The following XKR4 variants were observed in gnomAD, a reference collection of about 807,000 sequenced individuals.
XKR4 encodes XK related 4, also known as XK-related protein 4.
Under a neutral mutation model 53.9 loss-of-function variants are expected in XKR4, and 12 were observed. The ratio of observed to expected loss-of-function variants is 0.22; its 90% confidence interval spans 0.14 to 0.36. The LOEUF is 0.36. Ranked by LOEUF, XKR4 falls within the 10% of genes least tolerant of loss-of-function variation. The pLI is 1.00. For missense variants in XKR4, 799 were observed against 859.5 expected (o/e 0.93, Z 0.88); for synonymous variants, 354 against 362.4 (o/e 0.98, Z 0.26).
At chr8:55,266,255 C>G (rs1244779756) in intron 1 of XKR4, among the ~76,000 whole-genome samples, 1 of 151,682 alleles carries the variant, frequency 6.6e-6, no homozygotes, top group African/African-American at 2.4e-5. Flanking sequence ...GATGTGAGCG[C>G]AGTACAGTGG....
chr8:55,166,845 A>G (rs1424607016), intron 1 of XKR4, among the ~76,000 whole-genome samples: 2 of 152,252 alleles, frequency 1.3e-5, no homozygotes, highest in Non-Finnish European at 2.9e-5. Context: ...CTGGTGGACT[A>G]GAGCACAGAT....
intron 2 of XKR4, among the ~76,000 whole-genome samples, chr8:55,466,694 G>A (rs1311977709): frequency 6.6e-6 from 1 of 151,956 alleles, no homozygotes; most frequent in Non-Finnish European, 1.5e-5. Context: ...CATATAATCA[G>A]TTGCCACTTT....
rs1258098739 is a variant in XKR4, at chr8:55,309,225, C to T, written c.807-48453C>T. 3.9e-5 allele frequency among the ~76,000 whole-genome samples: 6 copies of T among 152,208 alleles called. 1 individual carries two copies. Among genetic ancestry groups the T allele is most frequent in the Admixed American group, 3.9e-4 (6 of 15,288 alleles). On this transcript the variant is annotated intron_variant, in intron 1 of 2. Coordinates refer to ENST00000327381, the MANE Select transcript of XKR4 (RefSeq NM_052898.2). Reference sequence around the variant, plus strand: ...CTAATACACATACCATGGCACACTACTTAGCAATAGAAAAAGCACCAACAC... The same window carrying T: ...CTAATACACATACCATGGCACACTATTTAGCAATAGAAAAAGCACCAACAC...
In XKR4 at chr8:55,526,000, C is replaced by G. The variant is rs1806877261; in HGVS notation, c.*1773C>G. ...CTTAAATAGAAAGGGCTTGTCAAGA[C>G]TGGCCAATGTTTCCCAGGAAATCAA... On this transcript the variant is annotated 3_prime_UTR_variant, in exon 3 of 3. Transcript: ENST00000327381. 6.6e-6 allele frequency: 1 copy of G among 152,588 alleles called. No homozygotes were observed. Among genetic ancestry groups the G allele is most frequent in the African/African-American group, 2.4e-5 (1 of 41,438 alleles). 9.5% of individuals were successfully genotyped at this position (152,588 alleles called of 1,614,324 possible). A position where few individuals can be genotyped will look rare whatever the true frequency, so the allele number is the denominator to read the frequency against.
intron 2 of XKR4, among the ~76,000 whole-genome samples, chr8:55,456,053 T>C (rs1185527271): frequency 6.6e-6 from 1 of 152,226 alleles, no homozygotes; most frequent in Non-Finnish European, 1.5e-5. Flanking sequence ...AAAATTTCCA[T>C]TTTGGGGCAA....
At chr8:55,424,735 A>ATT (rs1357636928) in intron 2 of XKR4, among the ~76,000 whole-genome samples, 1 of 152,220 alleles carries the variant, frequency 6.6e-6, no homozygotes, top group Admixed American at 6.5e-5. Flanking sequence ...TGAACCTGGC[A>ATT]CGTGTTAGGA....
chr8:55,467,433 A>T (rs774906507), intron 2 of XKR4, among the ~76,000 whole-genome samples: 1 of 152,074 alleles, frequency 6.6e-6, no homozygotes, highest in Non-Finnish European at 1.5e-5. Flanking sequence ...ATCCCTTCAT[A>T]TCCACAGTCT....
intron 2 of XKR4, among the ~76,000 whole-genome samples, chr8:55,510,099 C>T (rs1289304875): frequency 1.3e-5 from 2 of 152,090 alleles, no homozygotes; most frequent in African/African-American, 4.8e-5. Context: ...TGTCTCCCCT[C>T]CCAGGGGCAG....
chr8:55,379,046 C>A (rs184573917), intron 2 of XKR4, among the ~76,000 whole-genome samples: 64 of 152,246 alleles, frequency 4.2e-4, no homozygotes, highest in African/African-American at 1.5e-3. Context: ...CCAGGTGAAC[C>A]CTCATGAGTA....
chr8:55,513,442 G>C (rs1203720939), intron 2 of XKR4, among the ~76,000 whole-genome samples: 1 of 152,176 alleles, frequency 6.6e-6, no homozygotes, highest in African/African-American at 2.4e-5. Context: ...GGGTAGAAGA[G>C]CTGCCCTTCC....
rs541792735 is a variant in XKR4 at position 55,303,121 on chromosome 8, T to C, written c.807-54557T>C. ...CAGTTTTTGCCCATTCAGTATGATA[T>C]TGGCTGTGGGTTTGTCATAGATAGA... On this transcript the variant is annotated intron_variant, in intron 1 of 2. Coordinates refer to ENST00000327381, the MANE Select transcript of XKR4 (RefSeq NM_052898.2). Among the ~76,000 whole-genome samples, 265 of 152,340 alleles carry C rather than the reference T, an allele frequency of 1.7e-3. 1 individual carries two copies. Among genetic ancestry groups the C allele is most frequent in the Non-Finnish European group, 3.2e-3 (216 of 68,032 alleles).
chr8:55,407,329 C>T (rs1347891511), intron 2 of XKR4, among the ~76,000 whole-genome samples: 2 of 152,204 alleles, frequency 1.3e-5, no homozygotes, highest in Non-Finnish European at 2.9e-5. Flanking sequence ...CAGGAATCAC[C>T]GCCCCATGGA....
intron 2 of XKR4, among the ~76,000 whole-genome samples, chr8:55,444,212 T>C (rs900918612): frequency 2.6e-5 from 4 of 151,980 alleles, no homozygotes; most frequent in Non-Finnish European, 5.9e-5. Context: ...TCCTGCCTCA[T>C]AATACAAAAC....
At chr8:55,445,788 G>A (rs191260567) in intron 2 of XKR4, among the ~76,000 whole-genome samples, 1 of 152,192 alleles carries the variant, frequency 6.6e-6, no homozygotes, top group Non-Finnish European at 1.5e-5. Context: ...AAAAACAATT[G>A]TAAGAGTAAC....
At chr8:55,514,716 G>T (rs1806686241) in intron 2 of XKR4, among the ~76,000 whole-genome samples, 1 of 151,752 alleles carries the variant, frequency 6.6e-6, no homozygotes, top group Non-Finnish European at 1.5e-5. Flanking sequence ...TTTTAAACGT[G>T]GGATGGAAAA....
Position 55,540,523 on chromosome 8 carries a change from T to C in XKR4, c.*16296T>C, listed in dbSNP as rs1386716159. On this transcript the variant is annotated 3_prime_UTR_variant, in exon 3 of 3. Transcript: ENST00000327381. ...CATAGCTATTCTTGGATGAGAACCT[T>C]GCCTCTACTAAATAGTTTCTGCTTT... 6.6e-6 allele frequency: 1 copy of C among 152,216 alleles called. No individual in the cohort carries two copies. The highest frequency in any genetic ancestry group is 1.5e-5 in the Non-Finnish European group (1 of 68,042). 9.4% of individuals were successfully genotyped at this position (152,216 alleles called of 1,614,324 possible). A position where few individuals can be genotyped will look rare whatever the true frequency, so the allele number is the denominator to read the frequency against.
At chr8:55,154,223 T>C (rs1816876951) in intron 1 of XKR4, among the ~76,000 whole-genome samples, 1 of 152,238 alleles carries the variant, frequency 6.6e-6, no homozygotes, top group African/African-American at 2.4e-5. Context: ...TTTCAGGGGA[T>C]GCTTTTATTG....
intron 2 of XKR4, among the ~76,000 whole-genome samples, chr8:55,370,552 C>T (rs998715607): frequency 3.9e-5 from 6 of 152,152 alleles, no homozygotes; most frequent in African/African-American, 1.2e-4. Flanking sequence ...GACATAAGCT[C>T]CTCAAAACAC....
chr8:55,218,419 G>T (rs1817835192), intron 1 of XKR4, among the ~76,000 whole-genome samples: 2 of 152,136 alleles, frequency 1.3e-5, no homozygotes, highest in Non-Finnish European at 2.9e-5. Flanking sequence ...ATTTAAGTGA[G>T]GGTTATCCAC....
Sources: allele counts gnomAD v4.1 joint callset (sites outside exome capture counted in the v4.1 genomes callset), GRCh38; gene constraint gnomAD v4.1.1; transcripts MANE v1.5; gene names NCBI Gene and HGNC (gene_info 2026-07-23, HGNC 2026-07-21).